The following CDC42BPA variants were observed in gnomAD, a reference collection of about 807,000 sequenced individuals.
The protein encoded by CDC42BPA is serine/threonine-protein kinase MRCK alpha.
In CDC42BPA, 80 loss-of-function variants were observed where a neutral mutation model predicts 223.5. The ratio of observed to expected loss-of-function variants is 0.36; its 90% confidence interval spans 0.30 to 0.43. The LOEUF (loss-of-function observed/expected upper bound fraction) is 0.43. Among genes scored for constraint, CDC42BPA ranks in the 20% least tolerant of loss-of-function variants. CDC42BPA has a pLI of 1.00. For missense variants in CDC42BPA, 1,743 were observed against 2,099.9 expected (o/e 0.83, Z 3.32); for synonymous variants, 694 against 718.6 (o/e 0.97, Z 0.55).
intron 1 of CDC42BPA, among the ~76,000 whole-genome samples, chr1:227,274,389 T>A (rs1235502831): frequency 6.6e-6 from 1 of 152,184 alleles, no homozygotes; most frequent in Non-Finnish European, 1.5e-5. Context: ...GTGATTACTT[T>A]CATAACTTAA....
chr1:227,276,025 C>T (rs1572799887), intron 1 of CDC42BPA, among the ~76,000 whole-genome samples: 1 of 152,332 alleles, frequency 6.6e-6, no homozygotes, highest in Non-Finnish European at 1.5e-5. Flanking sequence ...AGCCGCCACC[C>T]CCTCTGGGAA....
intron 26 of CDC42BPA, among the ~76,000 whole-genome samples, chr1:227,034,348 C>T (rs191455380): frequency 6.6e-6 from 1 of 152,112 alleles, no homozygotes; most frequent in African/African-American, 2.4e-5. Flanking sequence ...ATACTCTAAG[C>T]CTTTAGGTGA....
chr1:227,292,841 G>T (rs536994209), intron 1 of CDC42BPA, among the ~76,000 whole-genome samples: 14 of 152,072 alleles, frequency 9.2e-5, no homozygotes, highest in African/African-American at 3.4e-4. Context: ...TTTGACCTTT[G>T]GCCCATATTT....
chr1:227,207,311 A>AT (rs34111305), intron 3 of CDC42BPA, among the ~76,000 whole-genome samples: 10 of 141,650 alleles, frequency 7.1e-5, no homozygotes, highest in African/African-American at 1.6e-4. Flanking sequence ...TATGTCACAC[A>AT]TTTTTTTTTT....
At chr1:227,316,081 T>C (rs1040349082) in intron 1 of CDC42BPA, among the ~76,000 whole-genome samples, 1 of 152,104 alleles carries the variant, frequency 6.6e-6, no homozygotes, top group Admixed American at 6.5e-5. Flanking sequence ...TGATTAGTAT[T>C]CCAAAGGTAC....
rs1171426232 is a variant in CDC42BPA at position 227,315,594 on chromosome 1, C to G, written c.178+1411G>C. On this transcript the variant is annotated intron_variant, in intron 1 of 36. Transcript: ENST00000366766. ...TTTAAGTCTTAAAAAAAAAAATTAA[C>G]ACTACAGAATTTCTCAATTTGTGAA... Among the ~76,000 whole-genome samples, 3 of 136,428 alleles carry G rather than the reference C, an allele frequency of 2.2e-5. No individual in the cohort carries two copies. In the South Asian group the frequency reaches 6.9e-4, roughly 31 times the overall value. The allele number at this position is 136,428 out of a possible 152,430, so 89.5% of individuals were successfully genotyped here.
chr1:227,032,870 G>A (rs966655663), intron 27 of CDC42BPA, among the ~76,000 whole-genome samples: 6 of 152,136 alleles, frequency 3.9e-5, no homozygotes, highest in Non-Finnish European at 2.9e-5. Context: ...TGACACTAGC[G>A]GACACCACAA....
At chr1:227,196,338 CTT>C (rs34352900) in intron 4 of CDC42BPA, among the ~76,000 whole-genome samples, 10 of 92,352 alleles carry the variant, frequency 1.1e-4, no homozygotes, top group African/African-American at 2.8e-4. Context: ...TTAAACAATA[CTT>C]TTTTTTTTTT....
chr1:227,133,996 T>TAAATAAATAAAA (rs1167807097), intron 10 of CDC42BPA, among the ~76,000 whole-genome samples: 5 of 151,564 alleles, frequency 3.3e-5, no homozygotes, highest in South Asian at 2.1e-4. Flanking sequence ...AATAAATAAA[T>TAAATAAATAAAA]AAAAAAGAAA....
intron 11 of CDC42BPA, among the ~76,000 whole-genome samples, chr1:227,123,354 T>A (rs748008479): frequency 6.6e-6 from 1 of 152,162 alleles, no homozygotes; most frequent in Non-Finnish European, 1.5e-5. Flanking sequence ...ACTAAATGGT[T>A]CTTAGCTCAC....
intron 4 of CDC42BPA, among the ~76,000 whole-genome samples, chr1:227,198,100 C>G (rs1671047407): frequency 6.6e-6 from 1 of 151,970 alleles, no homozygotes; most frequent in South Asian, 2.1e-4. Context: ...ACCATATTCA[C>G]TCTTACTACT....
At chr1:227,258,654 T>C (rs1441454785) in intron 1 of CDC42BPA, among the ~76,000 whole-genome samples, 1 of 150,930 alleles carries the variant, frequency 6.6e-6, no homozygotes, top group Non-Finnish European at 1.5e-5. Flanking sequence ...ACCAAAAGAA[T>C]CATGTATCAA....
chr1:227,207,252 G>A (rs1026866130), intron 3 of CDC42BPA, among the ~76,000 whole-genome samples: 18 of 150,694 alleles, frequency 1.2e-4, no homozygotes, highest in Admixed American at 1.1e-3. Context: ...TCCCTACAAA[G>A]GACATGAACT....
At chr1:227,272,561 C>T (rs1314700094) in intron 1 of CDC42BPA, among the ~76,000 whole-genome samples, 1 of 152,038 alleles carries the variant, frequency 6.6e-6, no homozygotes, top group African/African-American at 2.4e-5. Context: ...AAAAAGAACA[C>T]TATAATAGAA....
In CDC42BPA at chr1:227,023,378, C is replaced by G. The variant is rs772646120; in HGVS notation, c.4531-31G>C. On this transcript the variant is annotated intron_variant, in intron 31 of 36. Transcript: ENST00000366766. ...ATAAAAGACAAAATTAGTATTTCAA[C>G]AAAACCTTTAAAAATTAAATTATAA... The G allele has an allele frequency of 5.9e-6, 7 of 1,186,316 alleles. No homozygotes were observed. The Admixed American group carries it at 1.5e-4, about 26-fold the overall frequency. The allele number at this position is 1,186,316 out of a possible 1,614,324, so 73.5% of individuals were successfully genotyped here.
chr1:227,061,182 TCA>T (rs1025590428), intron 21 of CDC42BPA, among the ~76,000 whole-genome samples: 1 of 152,160 alleles, frequency 6.6e-6, no homozygotes, highest in Non-Finnish European at 1.5e-5. Context: ...TTACTTTTCC[TCA>T]GTTATTAATG....
At position 227,034,754 on chromosome 1, in the gene CDC42BPA, G is replaced by C. The variant is rs1297880193; in HGVS notation, c.3377C>G (p.Ala1126Gly). 1 of 1,613,064 alleles carries C rather than the reference G, an allele frequency of 6.2e-7. No homozygotes were observed. The highest frequency in any genetic ancestry group is 1.7e-5 in the Admixed American group (1 of 59,944). The change falls in exon 26 of 37, where the codon GCA becomes GGA. Residue 1126 changes from alanine (A) to glycine (G), a missense_variant. By Grantham distance (60) the Ala-to-Gly change is moderately conservative (BLOSUM62 0). This residue lies in a region of CDC42BPA where 678 missense variants were observed against 777.5 expected (regional missense o/e 0.87). Transcript: ENST00000366766. ...PAGVKKGWQR[A>G]LAIVCDFKLF... ...TTTGAAGTCACACACTATAGCCAGTGCTCTCTGCCACCCTTTCTTCACTCC... is the reference window on the plus strand; with the variant it reads ...TTTGAAGTCACACACTATAGCCAGTCCTCTCTGCCACCCTTTCTTCACTCC...
intron 1 of CDC42BPA, among the ~76,000 whole-genome samples, chr1:227,307,630 A>G (rs909280446): frequency 2.0e-5 from 3 of 152,220 alleles, no homozygotes; most frequent in African/African-American, 7.2e-5. Context: ...ACAGCCACTG[A>G]ACTCTTAATT....
intron 30 of CDC42BPA, among the ~76,000 whole-genome samples, chr1:227,027,122 A>G (rs902312550): frequency 4.3e-4 from 66 of 152,196 alleles, no homozygotes; most frequent in African/African-American, 1.6e-3. Flanking sequence ...GAAACAAAAT[A>G]TTAAAAATAG....
Sources: gnomAD v4.1 joint callset for allele counts (sites outside exome capture counted in the v4.1 genomes callset) on GRCh38, gnomAD v4.1.1 for gene constraint, gnomAD v4.1.1 regional missense constraint, MANE v1.5 for transcripts, NCBI Gene and HGNC (gene_info 2026-07-23, HGNC 2026-07-21) for gene names.